Variants in CNTNAP2 observed in about 807,000 individuals in gnomAD.
CNTNAP2 encodes contactin-associated protein-like 2.
Under a neutral mutation model 155.2 loss-of-function variants are expected in CNTNAP2, and 98 were observed. The observed-to-expected ratio is 0.63, with a 90% confidence interval of 0.54 to 0.75. The LOEUF is 0.75. Among genes scored for constraint, CNTNAP2 ranks in the 30% least tolerant of loss-of-function variants. The pLI, the probability that CNTNAP2 is intolerant of heterozygous loss-of-function variation, is 0.00. For synonymous variants in CNTNAP2, 651 were observed against 631.2 expected, an observed-to-expected ratio of 1.03 and a Z score of -0.47; for missense variants, 1,727 against 1,688.1, an observed-to-expected ratio of 1.02 and a Z score of -0.40.
chr7:147,189,742 CTTT>C (rs1250813809), intron 8 of CNTNAP2, among the ~76,000 whole-genome samples: 2 of 108,906 alleles, frequency 1.8e-5, no homozygotes, highest in African/African-American at 5.7e-5. Context: ...ATTAACACCA[CTTT>C]TTTTTGTTGT....
chr7:147,057,735 A>T (rs1799589106), intron 4 of CNTNAP2, among the ~76,000 whole-genome samples: 1 of 152,216 alleles, frequency 6.6e-6, no homozygotes. Flanking sequence ...CCTAGAAATC[A>T]GTTCATTGTG....
At position 147,083,647 on chromosome 7, in the gene CNTNAP2, A is replaced by G. The variant is rs112223137; in HGVS notation, c.551-24500A>G. Among the ~76,000 whole-genome samples, 911 of 144,890 alleles carry G rather than the reference A, an allele frequency of 6.3e-3. 8 individuals are homozygous for G. The highest frequency in any genetic ancestry group is 0.022 in the African/African-American group (850 of 39,512). ...TATATCTGTATGTGTGTATATATCTATAATGCTATATATACATATATAATA... is the reference window on the plus strand; with the variant it reads ...TATATCTGTATGTGTGTATATATCTGTAATGCTATATATACATATATAATA... On this transcript the variant is annotated intron_variant, in intron 4 of 23. Coordinates refer to ENST00000361727, the MANE Select transcript of CNTNAP2 (RefSeq NM_014141.6).
intron 3 of CNTNAP2, among the ~76,000 whole-genome samples, chr7:146,977,759 T>G (rs1524340): frequency 0.24 from 35,852 of 152,152 alleles, 5,215 homozygotes; most frequent in Non-Finnish European, 0.32. Flanking sequence ...AACTGAAAAC[T>G]GCAATTGTCA....
intron 16 of CNTNAP2, among the ~76,000 whole-genome samples, chr7:148,122,399 G>A (rs1418413498): frequency 6.6e-6 from 1 of 152,144 alleles, no homozygotes; most frequent in East Asian, 1.9e-4. Context: ...AAATTTTGAT[G>A]GATAAGTAGA....
At chr7:146,121,842 A>G (rs888891822) in intron 1 of CNTNAP2, among the ~76,000 whole-genome samples, 2 of 152,182 alleles carry the variant, frequency 1.3e-5, no homozygotes, top group African/African-American at 2.4e-5. Context: ...TGCCATTTTA[A>G]TAAGTAAGAA....
intron 8 of CNTNAP2, among the ~76,000 whole-genome samples, chr7:147,184,562 C>G (rs1453201598): frequency 6.6e-6 from 1 of 152,098 alleles, no homozygotes; most frequent in Non-Finnish European, 1.5e-5. Context: ...ACAGCCCACA[C>G]CAGGGACAGG....
chr7:147,096,642 G>A (rs1800542004), intron 4 of CNTNAP2, among the ~76,000 whole-genome samples: 1 of 152,222 alleles, frequency 6.6e-6, no homozygotes, highest in Admixed American at 6.5e-5. Context: ...CATTGAAGTT[G>A]TGACTTCTAA....
At chr7:147,976,587 T>A (rs895522438) in intron 14 of CNTNAP2, among the ~76,000 whole-genome samples, 1 of 152,200 alleles carries the variant, frequency 6.6e-6, no homozygotes, top group Non-Finnish European at 1.5e-5. Context: ...CAGTATATAA[T>A]GCATTTATTT....
intron 12 of CNTNAP2, among the ~76,000 whole-genome samples, chr7:147,576,325 G>A (rs528654693): frequency 1.3e-4 from 20 of 152,242 alleles, no homozygotes; most frequent in African/African-American, 4.3e-4. Context: ...AGATAGGTAA[G>A]AGTGTGCATC....
intron 21 of CNTNAP2, among the ~76,000 whole-genome samples, chr7:148,355,206 G>A (rs1435049311): frequency 2.4e-5 from 1 of 42,386 alleles, no homozygotes; most frequent in African/African-American, 8.7e-5. Flanking sequence ...TTTTGAGACG[G>A]AGTCTTGCTC....
intron 12 of CNTNAP2, among the ~76,000 whole-genome samples, chr7:147,570,488 G>T (rs1800267936): frequency 6.6e-6 from 1 of 152,050 alleles, no homozygotes; most frequent in Non-Finnish European, 1.5e-5. Context: ...ATAAAGATAA[G>T]CAAAAATAAA....
chr7:147,402,966 A>T (rs1416912578), intron 10 of CNTNAP2, among the ~76,000 whole-genome samples: 38 of 147,976 alleles, frequency 2.6e-4, no homozygotes, highest in African/African-American at 9.4e-4. Flanking sequence ...AAAAAAAAAA[A>T]AAAAACTAGT....
chr7:148,270,748 C>A (rs1267605093), intron 21 of CNTNAP2, among the ~76,000 whole-genome samples: 1 of 152,154 alleles, frequency 6.6e-6, no homozygotes, highest in African/African-American at 2.4e-5. Context: ...AGGCATCTGA[C>A]GATCATGAAG....
At chr7:147,362,334 T>C (rs1796160160) in intron 9 of CNTNAP2, among the ~76,000 whole-genome samples, 1 of 152,102 alleles carries the variant, frequency 6.6e-6, no homozygotes, top group Non-Finnish European at 1.5e-5. Flanking sequence ...AAGATCTCAC[T>C]CTGTTGCCCA....
intron 13 of CNTNAP2, among the ~76,000 whole-genome samples, chr7:147,853,359 T>C (rs779069657): frequency 6.6e-6 from 1 of 152,212 alleles, no homozygotes; most frequent in Non-Finnish European, 1.5e-5. Flanking sequence ...ACGGCCTGAT[T>C]TAAAGCATAG....
chr7:147,922,198 G>T (rs989737058), intron 14 of CNTNAP2, among the ~76,000 whole-genome samples: 1 of 152,156 alleles, frequency 6.6e-6, no homozygotes, highest in African/African-American at 2.4e-5. Flanking sequence ...AATAAATCAA[G>T]AAATTCATTT....
intron 10 of CNTNAP2, among the ~76,000 whole-genome samples, chr7:147,455,454 C>T (rs1376005913): frequency 6.6e-6 from 1 of 152,090 alleles, no homozygotes; most frequent in Non-Finnish European, 1.5e-5. Context: ...TTTCAGATCA[C>T]TCAGTTTCAA....
intron 12 of CNTNAP2, among the ~76,000 whole-genome samples, chr7:147,636,416 A>C (rs1001182718): frequency 4.7e-5 from 7 of 149,002 alleles, no homozygotes; most frequent in African/African-American, 1.8e-4. Context: ...GGATCTATTT[A>C]ACTTTTACTT....
chr7:146,389,989 T>C (rs978813147), intron 1 of CNTNAP2, among the ~76,000 whole-genome samples: 100 of 152,008 alleles, frequency 6.6e-4, no homozygotes, highest in African/African-American at 2.2e-3. Context: ...ATGTGAGCCA[T>C]AGAGCCCAGC....
Sources: allele counts gnomAD v4.1 joint callset (sites outside exome capture counted in the v4.1 genomes callset), GRCh38; gene constraint gnomAD v4.1.1; transcripts MANE v1.5; gene names NCBI Gene and HGNC (gene_info 2026-07-23, HGNC 2026-07-21).